Variants in TTLL5 observed in about 807,000 individuals in gnomAD.
TTLL5 encodes tubulin tyrosine ligase like 5.
A neutral mutation model predicts 168.4 loss-of-function variants in TTLL5; 132 were observed. The ratio of observed to expected loss-of-function variants is 0.78; its 90% CI spans 0.68 to 0.91. The LOEUF (loss-of-function observed/expected upper bound fraction) is 0.91. TTLL5 is among the 40% of genes least tolerant of loss of function. TTLL5 has a pLI of 0.00. For synonymous variants in TTLL5, 546 were observed against 558.6 expected, an observed-to-expected ratio of 0.98 and a Z score of 0.32; for missense variants, 1,545 against 1,581.5, an observed-to-expected ratio of 0.98 and a Z score of 0.39.
intron 23 of TTLL5, among the ~76,000 whole-genome samples, chr14:75,777,727 A>G (rs1246478811): frequency 2.0e-5 from 3 of 152,212 alleles, no homozygotes; most frequent in South Asian, 2.1e-4. Flanking sequence ...AATCTACCCT[A>G]TGTTGATTGG....
intron 31 of TTLL5, among the ~76,000 whole-genome samples, chr14:75,914,033 A>AAAAAATATATATATATATATATATAT: frequency 2.8e-5 from 2 of 71,098 alleles, no homozygotes; most frequent in Non-Finnish European, 4.1e-5. Flanking sequence ...AAAAAAAAAA[A>AAAAAATATATATATATATATATATAT]ATATATATAT....
chr14:75,717,769 C>T (rs765584344), intron 9 of TTLL5, 92 bp from the exon 10 acceptor site: 36 of 1,179,880 alleles, frequency 3.1e-5, no homozygotes, highest in South Asian at 2.6e-4. Context: ...ATGATATTAC[C>T]CTCCTTTATT....
intron 28 of TTLL5, among the ~76,000 whole-genome samples, chr14:75,825,360 G>A (rs749663117): frequency 2.6e-5 from 4 of 152,156 alleles, no homozygotes; most frequent in Admixed American, 1.3e-4. Flanking sequence ...CTTTCTAGCC[G>A]AGGATGGGAA....
chr14:75,746,513 G>GCTTT (rs1257735560), intron 17 of TTLL5, among the ~76,000 whole-genome samples: 1 of 148,944 alleles, frequency 6.7e-6, no homozygotes, highest in Non-Finnish European at 1.5e-5. Context: ...TTCCCAGCTT[G>GCTTT]CTTTTAGGAT....
chr14:75,817,016 C>A (rs1382657116), intron 27 of TTLL5, among the ~76,000 whole-genome samples: 1 of 124,726 alleles, frequency 8.0e-6, no homozygotes, highest in African/African-American at 3.0e-5. Context: ...GAGTCTCGCT[C>A]TGTCGCCAGG....
intron 22 of TTLL5, 113 bp downstream of exon 22, chr14:75,775,743 A>T: frequency 7.4e-7 from 1 of 1,353,896 alleles, no homozygotes. Context: ...GTTCTCTGGC[A>T]TCACCATCCC....
chr14:75,732,513 C>A (rs901634636), intron 13 of TTLL5, 94 bp downstream of exon 13: 1 of 1,083,240 alleles, frequency 9.2e-7, no homozygotes, highest in Non-Finnish European at 1.4e-6. Context: ...CACTAGAAGA[C>A]TGTTTTTTTC....
chr14:75,900,469 C>T (rs1455931653), intron 30 of TTLL5, among the ~76,000 whole-genome samples: 2 of 152,162 alleles, frequency 1.3e-5, no homozygotes, highest in Non-Finnish European at 2.9e-5. Context: ...TACCACTTTG[C>T]TCTTTACCTA....
chr14:75,863,801 A>G lies in TTLL5; in HGVS notation c.3461A>G (p.Gln1154Arg). ...TATCAGCTTCAATTTGCCCTGCAGC[A>G]ACTTGAACAACAAAAACTTCAGTCC... is the stretch of plus-strand genomic sequence containing the variant. ...GSYQLQFALQ[Q>R]LEQQKLQSRQ... Residue 1154 changes from glutamine to arginine, a missense_variant, in exon 29 of 32, where the codon CAA becomes CGA. Physicochemically the swap from Gln to Arg is conservative, Grantham distance 43. Transcript: ENST00000298832. 3.7e-6 allele frequency: 6 copies of G among 1,613,632 alleles called. No homozygotes were observed. Among genetic ancestry groups the G allele is most frequent in the Non-Finnish European group, 4.2e-6 (5 of 1,179,908 alleles).
intron 31 of TTLL5, among the ~76,000 whole-genome samples, chr14:75,945,088 C>T (rs958466119): frequency 6.6e-6 from 1 of 151,762 alleles, no homozygotes; most frequent in Non-Finnish European, 1.5e-5. Context: ...GCATATAAAA[C>T]CCCAAGTCAG....
intron 31 of TTLL5, among the ~76,000 whole-genome samples, chr14:75,940,228 G>A (rs369347289): frequency 1.6e-4 from 25 of 151,684 alleles, no homozygotes; most frequent in Non-Finnish European, 5.9e-5. Context: ...ACAGGCACCC[G>A]CTACCAAGCC....
At chr14:75,755,968 C>CCTGGCCACCCCCCCA (rs1890232119) in intron 18 of TTLL5, among the ~76,000 whole-genome samples, 1 of 151,026 alleles carries the variant, frequency 6.6e-6, no homozygotes, top group Admixed American at 6.6e-5. Flanking sequence ...TGGCTTATGT[C>CCTGGCCACCCCCCCA]CTGGCCACCC....
intron 31 of TTLL5, among the ~76,000 whole-genome samples, chr14:75,935,901 T>A (rs1368015613): frequency 2.0e-5 from 3 of 152,180 alleles, no homozygotes; most frequent in Admixed American, 6.5e-5. Flanking sequence ...ATTTTTTTTT[T>A]AATCATGCCT....
intron 20 of TTLL5, among the ~76,000 whole-genome samples, chr14:75,767,314 T>C (rs918258029): frequency 6.6e-6 from 1 of 152,298 alleles, no homozygotes; most frequent in Non-Finnish European, 1.5e-5. Flanking sequence ...GTTTACAGTC[T>C]AGTGGGGAAG....
chr14:75,895,274 G>A (rs1049194505), intron 30 of TTLL5, among the ~76,000 whole-genome samples: 2 of 151,986 alleles, frequency 1.3e-5, no homozygotes, highest in African/African-American at 4.8e-5. Context: ...ATTTTTTAAC[G>A]CTGATTCTGA....
intron 31 of TTLL5, among the ~76,000 whole-genome samples, chr14:75,939,432 C>G (rs1203908282): frequency 2.0e-5 from 3 of 152,182 alleles, no homozygotes; most frequent in Admixed American, 6.5e-5. Flanking sequence ...GTCATTCAGG[C>G]TGGAGTGCAG....
intron 27 of TTLL5, among the ~76,000 whole-genome samples, chr14:75,797,950 A>T (rs1452834382): frequency 1.3e-5 from 2 of 151,950 alleles, no homozygotes; most frequent in Non-Finnish European, 2.9e-5. Context: ...TTAGGGTGTT[A>T]CTGGCTTTAT....
At chr14:75,928,317 C>G (rs1187243805) in intron 31 of TTLL5, among the ~76,000 whole-genome samples, 1 of 95,758 alleles carries the variant, frequency 1.0e-5, no homozygotes, top group Non-Finnish European at 2.1e-5. Context: ...GCACAGCTAG[C>G]TCTGTGATGA....
At chr14:75,662,992 C>G in intron 1 of TTLL5, 63 bp from the exon 2 acceptor site, 1 of 716,770 alleles carries the variant, frequency 1.4e-6, no homozygotes, top group Non-Finnish European at 2.6e-6. Flanking sequence ...CAGCAATAAC[C>G]AATAAATAGA....
Sources: gnomAD v4.1 joint callset for allele counts (sites outside exome capture counted in the v4.1 genomes callset) on GRCh38, gnomAD v4.1.1 for gene constraint, MANE v1.5 for transcripts, NCBI Gene and HGNC (gene_info 2026-07-23, HGNC 2026-07-21) for gene names.